TENT5D: variants seen among roughly 807,000 people sequenced by gnomAD.
TENT5D encodes the protein cancer/testis antigen 112.
For missense variants in TENT5D, 191 were observed against 287.0 expected, an observed-to-expected ratio of 0.67 and a Z score of 2.42; for synonymous variants, 103 against 100.6, an observed-to-expected ratio of 1.02 and a Z score of -0.15.
chrX:80,341,710 CTTTTT>C (rs1051286979), intron 2 of TENT5D, among the ~76,000 whole-genome samples: 1 of 91,445 alleles, frequency 1.1e-5, no homozygotes, highest in Admixed American at 1.2e-4. Flanking sequence ...TAATTCTTTT[CTTTTT>C]TTTTTTTTTT....
At chrX:80,442,145 CATG>C (rs1932296294) in intron 2 of TENT5D, among the ~76,000 whole-genome samples, 1 of 111,062 alleles carries the variant, frequency 9.0e-6, no homozygotes, top group Non-Finnish European at 1.9e-5. Context: ...ACTTTACAAT[CATG>C]ATAATTAATC....
chrX:80,373,271 CTTTATAG>C (rs1183626727), intron 3 of TENT5D, among the ~76,000 whole-genome samples: 2 of 110,822 alleles, frequency 1.8e-5, no homozygotes, highest in Non-Finnish European at 3.8e-5. Flanking sequence ...ATGTTCTGGA[CTTTATAG>C]TTTAGGGATT....
At chrX:80,374,926 G>A (rs1030997989) in intron 3 of TENT5D, among the ~76,000 whole-genome samples, 1 of 111,193 alleles carries the variant, frequency 9.0e-6, no homozygotes, top group Non-Finnish European at 1.9e-5. Flanking sequence ...CTCTCAGAAC[G>A]TTTTGGATTC....
chrX:80,396,916 C>A (rs1180625516), intron 3 of TENT5D, among the ~76,000 whole-genome samples: 1 of 88,446 alleles, frequency 1.1e-5, no homozygotes, highest in Non-Finnish European at 2.3e-5. Flanking sequence ...ACCCCCCCAC[C>A]TCCCTCCCAG....
intron 3 of TENT5D, among the ~76,000 whole-genome samples, chrX:80,389,020 A>G (rs989428708): frequency 2.7e-5 from 3 of 111,556 alleles, no homozygotes; most frequent in Non-Finnish European, 5.6e-5. Flanking sequence ...GTGAGAGGGC[A>G]GCACTGAGTT....
upstream of TENT5D, among the ~76,000 whole-genome samples, chrX:80,419,991 A>G (rs191931617): frequency 8.9e-6 from 1 of 112,508 alleles, no homozygotes; most frequent in Non-Finnish European, 1.9e-5. Context: ...CTGGGATTAC[A>G]GGCATGAGCC....
intron 3 of TENT5D, among the ~76,000 whole-genome samples, chrX:80,397,146 G>A (rs1485177868): frequency 8.0e-5 from 8 of 100,233 alleles, no homozygotes; most frequent in Non-Finnish European, 1.4e-4. Flanking sequence ...GGTGGCTGCC[G>A]GGCGGAGGGG....
rs145314354 is a variant in TENT5D at position 80,431,733 on chromosome X, T to A, written c.-141-6877T>A. ...GCCAGCACAGGAAAGACTTCCCCCA[T>A]GAATCAGTTACCTCCCACCAGTTCC... On this transcript the variant is annotated intron_variant, in intron 1 of 2. Coordinates refer to ENST00000308293, the Ensembl canonical transcript of TENT5D. Among the ~76,000 whole-genome samples the A allele has an allele frequency of 4.7e-3, 523 of 111,526 alleles. 7 individuals carry two copies. The highest frequency in any genetic ancestry group is 0.016 in the African/African-American group (497 of 30,715).
At chrX:80,371,299 A>G (rs1207466893) in intron 3 of TENT5D, among the ~76,000 whole-genome samples, 1 of 111,397 alleles carries the variant, frequency 9.0e-6, no homozygotes, top group Non-Finnish European at 1.9e-5. Context: ...TTGTTTTTCT[A>G]TTTATAGGGC....
rs147932629 is a variant in TENT5D at position 80,345,702 on chromosome X, A to G, written c.-142+3138A>G. On this transcript the variant is annotated intron_variant, in intron 3 of 4. Transcript: ENST00000538312. ...TGGAGCAATAGAAACTAGGATATCC[A>G]TTTATCATTTTGTCTTCAAGCCCTC... Among the ~76,000 whole-genome samples, 14 of 111,776 alleles carry G rather than the reference A, an allele frequency of 1.3e-4. No homozygotes were observed. The East Asian group carries it at 4.0e-3, about 32-fold the overall frequency.
chrX:80,441,104 A>C (rs1003791255), intron 2 of TENT5D, among the ~76,000 whole-genome samples: 1 of 111,425 alleles, frequency 9.0e-6, no homozygotes, highest in African/African-American at 3.2e-5. Context: ...TCCATCTTTA[A>C]GGATCGATTT....
chrX:80,416,947 G>A (rs1387579082), upstream of TENT5D, among the ~76,000 whole-genome samples: 1 of 111,124 alleles, frequency 9.0e-6, no homozygotes, highest in Non-Finnish European at 1.9e-5. Context: ...TATCTTTATA[G>A]GTTTTTAAGA....
At chrX:80,385,966 C>T (rs746365200) in intron 3 of TENT5D, among the ~76,000 whole-genome samples, 1 of 112,239 alleles carries the variant, frequency 8.9e-6, no homozygotes, top group Admixed American at 9.4e-5. Context: ...CGCTTTTACA[C>T]TGTTGGTGGG....
At chrX:80,433,772 A>G (rs762322342) in intron 1 of TENT5D, among the ~76,000 whole-genome samples, 1 of 111,739 alleles carries the variant, frequency 8.9e-6, no homozygotes, top group Admixed American at 9.6e-5. Flanking sequence ...TTATTTCCCT[A>G]TACATCAAAT....
intron 1 of TENT5D, among the ~76,000 whole-genome samples, chrX:80,435,969 A>G (rs1034432032): frequency 8.9e-6 from 1 of 112,125 alleles, no homozygotes; most frequent in Non-Finnish European, 1.9e-5. Flanking sequence ...TAGATAAAGT[A>G]TCTGCCTTAA....
intron 3 of TENT5D, among the ~76,000 whole-genome samples, chrX:80,359,343 A>T (rs1288207018): frequency 8.9e-6 from 1 of 111,858 alleles, no homozygotes; most frequent in Non-Finnish European, 1.9e-5. Flanking sequence ...ATAAAGACAC[A>T]TGCACACATA....
chrX:80,441,209 A>G (rs962463689), intron 2 of TENT5D, among the ~76,000 whole-genome samples: 3 of 111,360 alleles, frequency 2.7e-5, no homozygotes, highest in Middle Eastern at 4.6e-3. Context: ...ATCATATAAT[A>G]AAAATAAATA....
exon 3 of TENT5D, chrX:80,445,294 A>C (rs940379793): frequency 8.2e-6 from 1 of 122,697 alleles, no homozygotes; most frequent in Non-Finnish European, 1.9e-5. Context: ...TTACAATAAA[A>C]TATTTAGAAA....
At chrX:80,397,310 G>C (rs139643680) in intron 3 of TENT5D, among the ~76,000 whole-genome samples, 2 of 105,504 alleles carry the variant, frequency 1.9e-5, no homozygotes, top group Non-Finnish European at 3.9e-5. Context: ...GGGCAGAGGC[G>C]CTCCCCACAT....
Sources: gnomAD v4.1 joint callset for allele counts (sites outside exome capture counted in the v4.1 genomes callset) on GRCh38, gnomAD v4.1.1 for gene constraint, MANE v1.5 for transcripts, NCBI Gene and HGNC (gene_info 2026-07-23, HGNC 2026-07-21) for gene names.